The following SORCS3 variants were observed in gnomAD, a reference collection of about 807,000 sequenced individuals.
SORCS3 encodes sortilin related VPS10 domain containing receptor 3.
A neutral mutation model predicts 146.3 loss-of-function variants in SORCS3; 57 were observed. The ratio of observed to expected loss-of-function variants is 0.39; its 90% CI spans 0.31 to 0.49. The LOEUF is 0.49. SORCS3 is among the 20% of genes least tolerant of loss of function. The pLI, the probability that SORCS3 is intolerant of heterozygous loss-of-function variation, is 0.92. For synonymous variants in SORCS3, 653 were observed against 618.5 expected, an observed-to-expected ratio of 1.06 and a Z score of -0.83; for missense variants, 1,341 against 1,575.5, an observed-to-expected ratio of 0.85 and a Z score of 2.52.
At chr10:104,938,951 T>C (rs2019286042) in intron 3 of SORCS3, among the ~76,000 whole-genome samples, 1 of 152,204 alleles carries the variant, frequency 6.6e-6, no homozygotes, top group Non-Finnish European at 1.5e-5. Flanking sequence ...AAGAGGTCTT[T>C]TGCTTCAGGT....
intron 1 of SORCS3, among the ~76,000 whole-genome samples, chr10:104,715,465 T>G (rs547242965): frequency 1.3e-5 from 2 of 152,288 alleles, no homozygotes; most frequent in South Asian, 4.2e-4. Flanking sequence ...GCTTTCCTGG[T>G]TCTTCATCTT....
chr10:105,134,169 G>A (rs138467981), intron 7 of SORCS3, among the ~76,000 whole-genome samples: 1 of 152,162 alleles, frequency 6.6e-6, no homozygotes, highest in African/African-American at 2.4e-5. Context: ...AGGAGCACAG[G>A]CTTAGAGCCA....
chr10:104,947,441 G>C (rs2019383236), intron 3 of SORCS3, among the ~76,000 whole-genome samples: 1 of 152,058 alleles, frequency 6.6e-6, no homozygotes, highest in South Asian at 2.1e-4. Context: ...TTCCTCTTGG[G>C]GGAGGCACAA....
chr10:104,663,524 G>C (rs1195577267), intron 1 of SORCS3, among the ~76,000 whole-genome samples: 8 of 152,092 alleles, frequency 5.3e-5, no homozygotes. Context: ...CTCTCCGCAT[G>C]GCATCTCTGA....
At chr10:105,262,744 T>A (rs553916844) in intron 26 of SORCS3, among the ~76,000 whole-genome samples, 1 of 152,364 alleles carries the variant, frequency 6.6e-6, no homozygotes, top group South Asian at 2.1e-4. Context: ...TATCCATTAC[T>A]GACGGGCTTT....
chr10:104,961,184 A>G (rs76797159), intron 3 of SORCS3, among the ~76,000 whole-genome samples: 1 of 152,314 alleles, frequency 6.6e-6, no homozygotes, highest in African/African-American at 2.4e-5. Context: ...AGATGTGCAC[A>G]GTAGCAACTT....
intron 4 of SORCS3, among the ~76,000 whole-genome samples, chr10:104,985,885 A>G (rs1398138238): frequency 1.3e-5 from 2 of 152,208 alleles, no homozygotes; most frequent in Non-Finnish European, 2.9e-5. Context: ...ATGTGCTGTC[A>G]TGCAGGCTTT....
intron 6 of SORCS3, among the ~76,000 whole-genome samples, chr10:105,100,491 A>G (rs745610234): frequency 1.3e-5 from 2 of 152,220 alleles, no homozygotes; most frequent in Admixed American, 6.5e-5. Context: ...CTTTGCTTAC[A>G]TAAAAGTCCA....
intron 1 of SORCS3, 68 bp downstream of exon 1, chr10:104,642,022 G>GGGGGGGGGGGGGGGCCCCCC: frequency 2.9e-4 from 50 of 173,294 alleles, no homozygotes; most frequent in East Asian, 1.2e-3. Context: ...GGGTGGGTGG[G>GGGGGGGGGGGGGGGCCCCCC]AGCGAGGGAC....
chr10:105,001,823 C>A (rs150324481), intron 4 of SORCS3, among the ~76,000 whole-genome samples: 1 of 152,174 alleles, frequency 6.6e-6, no homozygotes. Flanking sequence ...ATATGTCTTT[C>A]AATCCTTTGG....
intron 1 of SORCS3, among the ~76,000 whole-genome samples, chr10:104,749,929 T>C (rs1184214740): frequency 6.6e-6 from 1 of 152,200 alleles, no homozygotes; most frequent in East Asian, 1.9e-4. Context: ...GCAAAAACAA[T>C]GAAAATGAGC....
chr10:105,207,543 C>T (rs1564784945), intron 16 of SORCS3, among the ~76,000 whole-genome samples: 2 of 152,256 alleles, frequency 1.3e-5, no homozygotes, highest in South Asian at 4.1e-4. Context: ...CCAAACCTCA[C>T]AATTCAACAG....
intron 3 of SORCS3, among the ~76,000 whole-genome samples, chr10:104,928,685 A>T (rs1339506495): frequency 2.6e-5 from 4 of 152,096 alleles, no homozygotes; most frequent in Admixed American, 1.3e-4. Context: ...ATGAGGGCCA[A>T]GTGTCCTGGG....
chr10:105,165,505 T>C (rs2056304908), intron 12 of SORCS3, among the ~76,000 whole-genome samples: 1 of 152,098 alleles, frequency 6.6e-6, no homozygotes, highest in Non-Finnish European at 1.5e-5. Context: ...ACTACCAGCG[T>C]TGTAAAAATT....
chr10:104,771,308 T>C (rs58372411), intron 1 of SORCS3, among the ~76,000 whole-genome samples: 12,245 of 152,272 alleles, frequency 0.08, 679 homozygotes, highest in African/African-American at 0.16. Context: ...CAAGATTTTC[T>C]GTTCCTTGAA....
intron 2 of SORCS3, among the ~76,000 whole-genome samples, chr10:104,859,126 A>G (rs1211456210): frequency 6.6e-6 from 1 of 152,080 alleles, no homozygotes; most frequent in Admixed American, 6.6e-5. Flanking sequence ...AATTTATTGT[A>G]AAATTATGAG....
intron 7 of SORCS3, among the ~76,000 whole-genome samples, chr10:105,118,514 G>A (rs1166229255): frequency 6.6e-6 from 1 of 152,180 alleles, no homozygotes; most frequent in East Asian, 1.9e-4. Flanking sequence ...CCAAAATTTG[G>A]AAGTTATTTT....
At chr10:104,720,662 GC>G (rs2016536727) in intron 1 of SORCS3, among the ~76,000 whole-genome samples, 1 of 152,016 alleles carries the variant, frequency 6.6e-6, no homozygotes, top group African/African-American at 2.4e-5. Context: ...TTTAATGATC[GC>G]CCTTCTAACT....
chr10:105,231,195 A>C (rs1206582168), intron 20 of SORCS3, among the ~76,000 whole-genome samples: 1 of 152,182 alleles, frequency 6.6e-6, no homozygotes, highest in African/African-American at 2.4e-5. Flanking sequence ...TGACCTATTC[A>C]AAGTGTGATT....
Sources: allele counts gnomAD v4.1 joint callset (sites outside exome capture counted in the v4.1 genomes callset), GRCh38; gene constraint gnomAD v4.1.1; transcripts MANE v1.5; gene names NCBI Gene and HGNC (gene_info 2026-07-23, HGNC 2026-07-21).